TMEM232: variants seen among roughly 807,000 people sequenced by gnomAD.
TMEM232 encodes transmembrane protein 232.
In TMEM232, 80 loss-of-function variants were observed where a neutral mutation model predicts 78.8. The ratio of observed to expected loss-of-function variants is 1.01; its 90% confidence interval spans 0.85 to 1.22. The LOEUF (loss-of-function observed/expected upper bound fraction) is 1.22. Ranked by LOEUF, TMEM232 falls within the 50% of genes most tolerant of loss-of-function variation. TMEM232 has a pLI of 0.00. For synonymous variants in TMEM232, 297 were observed against 254.3 expected, an observed-to-expected ratio of 1.17 and a Z score of -1.60; for missense variants, 881 against 742.2, an observed-to-expected ratio of 1.19 and a Z score of -2.17.
At chr5:110,500,288 C>CAAAAA (rs773716425) in intron 12 of TMEM232, among the ~76,000 whole-genome samples, 13 of 70,230 alleles carry the variant, frequency 1.9e-4, no homozygotes, top group African/African-American at 2.6e-4. Flanking sequence ...GACTCTGTCT[C>CAAAAA]AAAAAAAAAA....
At chr5:110,706,126 A>T (rs1795910004) in intron 1 of TMEM232, among the ~76,000 whole-genome samples, 2 of 152,150 alleles carry the variant, frequency 1.3e-5, no homozygotes, top group Non-Finnish European at 2.9e-5. Flanking sequence ...TTTGAACTCG[A>T]TCCTTCTCAA....
chr5:110,705,735 C>A, intron 1 of TMEM232, among the ~76,000 whole-genome samples: 1 of 143,110 alleles, frequency 7.0e-6, no homozygotes, highest in South Asian at 2.2e-4. Flanking sequence ...CACACACACA[C>A]ATATGTGTGT....
At chr5:110,690,005 A>C (rs1181628412) in intron 1 of TMEM232, among the ~76,000 whole-genome samples, 3 of 152,222 alleles carry the variant, frequency 2.0e-5, no homozygotes, top group Non-Finnish European at 4.4e-5. Context: ...TTAAAAACTT[A>C]AATGTAAAAC....
At chr5:110,681,391 C>T (rs1792731841) in intron 1 of TMEM232, among the ~76,000 whole-genome samples, 1 of 152,066 alleles carries the variant, frequency 6.6e-6, no homozygotes, top group Non-Finnish European at 1.5e-5. Flanking sequence ...ATCCCTCTTC[C>T]CTAATTATTC....
At chr5:110,551,532 ATT>A (rs1270919634) in intron 11 of TMEM232, among the ~76,000 whole-genome samples, 2 of 152,158 alleles carry the variant, frequency 1.3e-5, no homozygotes, top group African/African-American at 4.8e-5. Flanking sequence ...CACGTCTAAC[ATT>A]TTTGTAATAG....
chr5:110,414,744 A>G (rs138758428), downstream of TMEM232, among the ~76,000 whole-genome samples: 497 of 152,238 alleles, frequency 3.3e-3, 1 homozygote, highest in Non-Finnish European at 4.7e-3. Context: ...CTCTGTTCCA[A>G]TACGGCATTT....
At chr5:110,517,927 T>G (rs1768914025) in intron 12 of TMEM232, among the ~76,000 whole-genome samples, 1 of 152,124 alleles carries the variant, frequency 6.6e-6, no homozygotes, top group African/African-American at 2.4e-5. Context: ...CTTTTTTGTC[T>G]CACTCTTCTC....
chr5:110,391,324 TGTGA>T (rs1299517452), intron 3 of TMEM232, among the ~76,000 whole-genome samples: 236 of 132,396 alleles, frequency 1.8e-3, no homozygotes, highest in African/African-American at 7.4e-3. Context: ...TGTGTGTGTG[TGTGA>T]GAGAGAGAGA....
At chr5:110,449,463 G>A (rs1000988522) in intron 12 of TMEM232, among the ~76,000 whole-genome samples, 1 of 151,572 alleles carries the variant, frequency 6.6e-6, no homozygotes, top group Non-Finnish European at 1.5e-5. Flanking sequence ...AGCTCTTAAA[G>A]TTTCTGTATC....
intron 12 of TMEM232, among the ~76,000 whole-genome samples, chr5:110,523,966 A>AG (rs1230285778): frequency 0.34 from 14,056 of 40,952 alleles, 2,521 homozygotes; most frequent in Middle Eastern, 0.56. Context: ...AAAAAAAAAA[A>AG]GGGGGGGGGG....
intron 11 of TMEM232, among the ~76,000 whole-genome samples, chr5:110,563,101 C>T (rs566828676): frequency 2.8e-4 from 42 of 151,970 alleles, no homozygotes; most frequent in South Asian, 2.3e-3. Context: ...GCTAACTTTC[C>T]GCCTTCATTT....
chr5:110,576,090 A>G (rs892762417), intron 10 of TMEM232, among the ~76,000 whole-genome samples: 1 of 152,094 alleles, frequency 6.6e-6, no homozygotes, highest in East Asian at 1.9e-4. Context: ...GAGGAAGTCA[A>G]ACTATCTCTG....
chr5:110,599,370 A>C (rs1780604687), intron 10 of TMEM232, among the ~76,000 whole-genome samples: 1 of 152,152 alleles, frequency 6.6e-6, no homozygotes, highest in Non-Finnish European at 1.5e-5. Flanking sequence ...AAAGACACCG[A>C]CTAGAAAACT....
At chr5:110,666,933 C>G (rs1790668324) in intron 2 of TMEM232, 1 of 198,190 alleles carries the variant, frequency 5.0e-6, no homozygotes, top group Non-Finnish European at 1.0e-5. Context: ...GGTCTTAGAA[C>G]TAAATAAAAT....
rs181376279 is a variant in TMEM232, at chr5:110,648,433, C to T, written c.126-6062G>A. ...ATCCAATAGAAATATGTCCTATGTA[C>T]CAGGGAACATGTATAAGAATGGTCA... is the stretch of plus-strand genomic sequence containing the variant. On this transcript the variant is annotated intron_variant, in intron 2 of 13. Coordinates refer to ENST00000455884, the MANE Select transcript of TMEM232 (RefSeq NM_001039763.4). Among the ~76,000 whole-genome samples, 523 of 151,910 alleles carry T rather than the reference C, an allele frequency of 3.4e-3. 3 individuals carry two copies. The highest frequency in any genetic ancestry group is 0.012 in the African/African-American group (500 of 41,438).
chr5:110,708,239 G>C (rs1457940894), intron 1 of TMEM232, among the ~76,000 whole-genome samples: 1 of 152,204 alleles, frequency 6.6e-6, no homozygotes, highest in African/African-American at 2.4e-5. Flanking sequence ...GTATATATCT[G>C]GTGAAAATAT....
intron 11 of TMEM232, among the ~76,000 whole-genome samples, chr5:110,551,889 T>C (rs1370983848): frequency 2.6e-5 from 4 of 152,048 alleles, no homozygotes; most frequent in Non-Finnish European, 4.4e-5. Context: ...TCTATATGCA[T>C]AAGTATGCAT....
Position 110,642,265 on chromosome 5 carries a change from A to G in TMEM232, c.232T>C (p.Cys78Arg), listed in dbSNP as rs116213141. ...ATCAAATGATATGCCATTACCTTAC[A>G]TCTGAGAATGATTTTTCTAGCTAGT... ...LELARKIILR[C>R]KRKLGLKTLG... The change falls in exon 3 of 14, where the codon TGT becomes CGT. Residue 78 changes from cysteine to arginine, a missense_variant. Transcript: ENST00000455884. The G allele has an allele frequency of 6.5e-7, 1 of 1,532,658 alleles. No homozygotes were observed. The highest frequency in any genetic ancestry group is 8.8e-7 in the Non-Finnish European group (1 of 1,136,760). The allele number at this position is 1,532,658 out of a possible 1,614,324, so 94.9% of individuals were successfully genotyped here.
chr5:110,670,192 G>A (rs1791170198), intron 1 of TMEM232, among the ~76,000 whole-genome samples: 1 of 152,156 alleles, frequency 6.6e-6, no homozygotes, highest in African/African-American at 2.4e-5. Flanking sequence ...AAGTCAAATT[G>A]TCCCTGTTTG....
Sources: gnomAD v4.1 joint callset for allele counts (sites outside exome capture counted in the v4.1 genomes callset) on GRCh38, gnomAD v4.1.1 for gene constraint, MANE v1.5 for transcripts, NCBI Gene and HGNC (gene_info 2026-07-23, HGNC 2026-07-21) for gene names.